The following ANKHD1 variants were observed in gnomAD, a reference collection of about 807,000 sequenced individuals.
ANKHD1 encodes the protein ankyrin repeat and KH domain-containing protein 1.
A neutral mutation model predicts 230.5 loss-of-function variants in ANKHD1; 31 were observed. That is an observed-to-expected ratio of 0.13 (90% CI 0.10 to 0.18). The LOEUF (loss-of-function observed/expected upper bound fraction) is 0.18, where lower values mean the gene tolerates loss of function less well. Among genes scored for constraint, ANKHD1 ranks in the 10% least tolerant of loss-of-function variants. The pLI is 1.00. For synonymous variants in ANKHD1, 1,074 were observed against 1,117.6 expected, an observed-to-expected ratio of 0.96 and a Z score of 0.78; for missense variants, 2,256 against 3,071.3, an observed-to-expected ratio of 0.73 and a Z score of 6.27.
chr5:140,482,777 A>G (rs894287935), intron 11 of ANKHD1, 110 bp downstream of exon 11: 1 of 1,137,808 alleles, frequency 8.8e-7, no homozygotes, highest in African/African-American at 1.6e-5. Context: ...AAAGTATTGT[A>G]TTCTTGCCTT....
chr5:140,472,092 C>A, intron 10 of ANKHD1: 1 of 634,330 alleles, frequency 1.6e-6, no homozygotes, highest in Non-Finnish European at 2.7e-6. Context: ...CATGACATTA[C>A]AGTCTCTACA....
chr5:140,465,684 A>G (rs1273036190), intron 10 of ANKHD1, among the ~76,000 whole-genome samples: 1 of 152,254 alleles, frequency 6.6e-6, no homozygotes, highest in Non-Finnish European at 1.5e-5. Context: ...AATAATTATT[A>G]ACCAAAATAA....
intron 10 of ANKHD1, among the ~76,000 whole-genome samples, chr5:140,473,375 G>GTC (rs1471294372): frequency 6.6e-6 from 1 of 151,794 alleles, no homozygotes; most frequent in Non-Finnish European, 1.5e-5. Flanking sequence ...CTTATTAAGT[G>GTC]TCTTCATCAT....
intron 4 of ANKHD1, among the ~76,000 whole-genome samples, chr5:140,440,501 G>T (rs985438133): frequency 1.3e-5 from 2 of 152,088 alleles, no homozygotes; most frequent in Non-Finnish European, 1.5e-5. Context: ...TAATCCTAAT[G>T]AATAAGAAAC....
At chr5:140,419,844 CTCTT>C (rs1252298887) in intron 1 of ANKHD1, among the ~76,000 whole-genome samples, 2 of 109,552 alleles carry the variant, frequency 1.8e-5, no homozygotes, top group Non-Finnish European at 3.8e-5. Flanking sequence ...CTTTTTCTTT[CTCTT>C]TCTTTTTTTC....
chr5:140,450,878 C>T (rs1181807756), intron 7 of ANKHD1, among the ~76,000 whole-genome samples: 5 of 152,046 alleles, frequency 3.3e-5, no homozygotes, highest in South Asian at 2.1e-4. Flanking sequence ...TTTGGCTGGG[C>T]GTGGTGGCTC....
rs1396648827 is a variant in ANKHD1 at position 140,533,284 on chromosome 5, T to C, written c.6851-2078T>C. Reference sequence around the variant, plus strand: ...GCAGCATAGTGGGACCCTGTCTTGATAAAAAATAAATTTCAAAGTTAGCTC... The same window carrying C: ...GCAGCATAGTGGGACCCTGTCTTGACAAAAAATAAATTTCAAAGTTAGCTC... On this transcript the variant is annotated intron_variant, in intron 29 of 33. Transcript: ENST00000360839. Among the ~76,000 whole-genome samples, 5 of 151,902 alleles carry C rather than the reference T, an allele frequency of 3.3e-5. No individual in the cohort carries two copies. The East Asian group carries it at 7.7e-4, about 24-fold the overall frequency.
In ANKHD1 at chr5:140,497,059, C is replaced by T; in HGVS notation, c.2785C>T (p.Pro929Ser). Residue 929 changes from proline (P) to serine (S), a missense_variant, in exon 15 of 34, where the codon CCT becomes TCT. Transcript: ENST00000360839. ...ACAGATTGATTTTGTCCCAGTCCAG[C>T]CTTTATCATCTCCACAGTGTAACTT... Reference protein sequence around the residue: ...AEQIDFVPVQPLSSPQCNFSS... With the variant: ...AEQIDFVPVQSLSSPQCNFSS... 1 of 1,614,128 alleles carries T rather than the reference C, an allele frequency of 6.2e-7. No individual in the cohort carries two copies. The highest frequency in any genetic ancestry group is 8.5e-7 in the Non-Finnish European group (1 of 1,179,986).
rs59326561 is a variant in ANKHD1, at chr5:140,506,139, C to T, written c.3408+270C>T. Among the ~76,000 whole-genome samples, 1,015 of 152,096 alleles carry T rather than the reference C, an allele frequency of 6.7e-3. 15 individuals are homozygous for T. The highest frequency in any genetic ancestry group is 0.024 in the African/African-American group (984 of 41,470). On this transcript the variant is annotated intron_variant, in intron 18 of 33. Transcript: ENST00000360839. The surrounding 1 kb of genome is among the most constrained non-coding windows in gnomAD (Gnocchi z 4.7). ...TGGGGTCATGTAATGTTGCCCTGGC[C>T]GATTTCAAACTCCTGGCCTCAAGCA...
At chr5:140,477,636 G>A (rs750026372) in intron 10 of ANKHD1, among the ~76,000 whole-genome samples, 3 of 152,026 alleles carry the variant, frequency 2.0e-5, no homozygotes, top group African/African-American at 4.8e-5. Flanking sequence ...GTTTTGAGAC[G>A]GAGTCTCACT....
intron 8 of ANKHD1, 73 bp from the exon 9 acceptor site, chr5:140,459,091 C>A: frequency 7.7e-7 from 1 of 1,303,274 alleles, no homozygotes; most frequent in Non-Finnish European, 9.9e-7. Context: ...AGATGATTAT[C>A]ACAATTCAGA....
intron 9 of ANKHD1, among the ~76,000 whole-genome samples, chr5:140,462,603 T>C (rs1208078030): frequency 1.3e-5 from 2 of 151,248 alleles, no homozygotes; most frequent in Non-Finnish European, 2.9e-5. Context: ...TGGACGCCTA[T>C]AGTCCCGGCT....
Position 140,527,044 on chromosome 5 carries a change from GAGA to G in ANKHD1, c.5063_5065del (p.Glu1688del), listed in dbSNP as rs758944763. On this transcript the variant is annotated inframe_deletion, in exon 27 of 34. Transcript: ENST00000360839. The surrounding 1 kb of genome is among the most constrained non-coding windows in gnomAD (Gnocchi z 4.5). ...ACTAGCCCTAAAAGGGGTCAGAAAA[GAGA>G]AGAAGGGTGGAAAGAAGTTGTACGA... is the stretch of plus-strand genomic sequence containing the variant. The G allele has an allele frequency of 3.7e-6, 6 of 1,613,172 alleles. No homozygotes were observed. The highest frequency in any genetic ancestry group is 4.5e-5 in the East Asian group (2 of 44,764).
chr5:140,538,252 T>G lies in ANKHD1; in HGVS notation c.7395T>G (p.Asp2465Glu). 6.2e-7 allele frequency: 1 copy of G among 1,613,264 alleles called. No homozygotes were observed. Among genetic ancestry groups the G allele is most frequent in the Non-Finnish European group, 8.5e-7 (1 of 1,179,708 alleles). ...FHQPMASGFV[D>E]FSKGLPISMY... is the part of the protein sequence containing the mutation. The stretch of plus-strand genomic sequence containing the variant: ...AGCCTATGGCAAGTGGTTTTGTGGA[T>G]TTTTCTAAAGTGAGTTGACAAACAT... The change falls in exon 32 of 34, where the codon GAT (aspartate) becomes GAG (glutamate). Residue 2465 changes from aspartate to glutamate, a missense_variant. By Grantham distance (45) the Asp-to-Glu change is conservative. Transcript: ENST00000360839.
At position 140,512,848 on chromosome 5, in the gene ANKHD1, A is replaced by G. The variant is rs145463284; in HGVS notation, c.4125A>G (p.Gln1375=). 2.1e-4 allele frequency: 340 copies of G among 1,602,506 alleles called. 1 individual carries two copies. Among genetic ancestry groups the G allele is most frequent in the Middle Eastern group, 2.1e-3 (12 of 5,714 alleles). ...TATAGGGTCATGTAAAAGTTGTTCA[A>G]TATTTGGTAAAGGAAGTAAATCAGT... The part of the protein sequence containing the change: ...AFRKGHVKVV[Q]YLVKEVNQFP... The change falls in exon 23 of 34, where the codon CAA becomes CAG. Residue 1375 remains glutamine (Q), a synonymous_variant. Transcript: ENST00000360839.
At chr5:140,472,237 A>G in intron 10 of ANKHD1, 1 of 1,610,502 alleles carries the variant, frequency 6.2e-7, no homozygotes, top group Non-Finnish European at 8.5e-7. Flanking sequence ...TTCCTTTCGC[A>G]GGACAAGCAG....
At chr5:140,482,434 T>G in intron 10 of ANKHD1, 146 bp from the exon 11 acceptor site, 2 of 803,762 alleles carry the variant, frequency 2.5e-6, no homozygotes, top group Non-Finnish European at 3.6e-6. Context: ...TCCTGTATAA[T>G]GGGGGAATTG....
intron 1 of ANKHD1, among the ~76,000 whole-genome samples, chr5:140,421,964 T>C (rs1772018467): frequency 6.6e-6 from 1 of 152,202 alleles, no homozygotes; most frequent in Non-Finnish European, 1.5e-5. Context: ...TATATCTCCT[T>C]GTTGCTGATC....
chr5:140,422,626 G>A (rs925656718), intron 1 of ANKHD1, among the ~76,000 whole-genome samples: 1 of 150,200 alleles, frequency 6.7e-6, no homozygotes, highest in African/African-American at 2.4e-5. Flanking sequence ...TGATCAACAT[G>A]GTGAAACCCC....
Sources: gnomAD v4.1 joint callset for allele counts (sites outside exome capture counted in the v4.1 genomes callset) on GRCh38, gnomAD v4.1.1 for gene constraint, Gnocchi (gnomAD v3.1) non-coding constraint, MANE v1.5 for transcripts, NCBI Gene and HGNC (gene_info 2026-07-23, HGNC 2026-07-21) for gene names.